The following PRORP variants were observed in gnomAD, a reference collection of about 807,000 sequenced individuals.
PRORP encodes the protein protein only RNase P catalytic subunit.
PRORP carries 51 observed loss-of-function variants against 59.4 expected under a neutral mutation model. The ratio of observed to expected loss-of-function variants is 0.86; its 90% CI spans 0.69 to 1.08. The LOEUF (loss-of-function observed/expected upper bound fraction) is 1.08, where lower values mean the gene tolerates loss of function less well. PRORP is among the 50% of genes least tolerant of loss of function. PRORP has a pLI of 0.00. For missense variants in PRORP, 646 were observed against 690.3 expected (o/e 0.94, Z 0.72); for synonymous variants, 231 against 245.6 (o/e 0.94, Z 0.55).
At chr14:35,197,214 G>A (rs2049030443) in intron 5 of PRORP, among the ~76,000 whole-genome samples, 1 of 152,130 alleles carries the variant, frequency 6.6e-6, no homozygotes, top group Non-Finnish European at 1.5e-5. Flanking sequence ...GGTGTGGTGA[G>A]ATTGTCTCGT....
At chr14:35,251,493 C>T (rs1042439076) in intron 5 of PRORP, among the ~76,000 whole-genome samples, 1 of 152,158 alleles carries the variant, frequency 6.6e-6, no homozygotes, top group African/African-American at 2.4e-5. Context: ...AGAAAATTAT[C>T]GAAGATAATT....
chr14:35,250,782 G>A (rs1413767240), intron 5 of PRORP, among the ~76,000 whole-genome samples: 2 of 152,136 alleles, frequency 1.3e-5, no homozygotes, highest in African/African-American at 2.4e-5. Flanking sequence ...GAGAGAACTT[G>A]CCTTGAGAGC....
At chr14:35,127,848 G>A (rs2047136252) in intron 4 of PRORP, among the ~76,000 whole-genome samples, 1 of 150,392 alleles carries the variant, frequency 6.6e-6, no homozygotes, top group Non-Finnish European at 1.5e-5. Context: ...GATTTGGCCT[G>A]CTGACTACAA....
At chr14:35,157,251 G>A (rs939145656) in intron 4 of PRORP, among the ~76,000 whole-genome samples, 1 of 151,980 alleles carries the variant, frequency 6.6e-6, no homozygotes, top group Non-Finnish European at 1.5e-5. Flanking sequence ...CACCGCGCCC[G>A]GACGTTCATT....
rs149488372 is a variant in PRORP at position 35,170,708 on chromosome 14, ATTC to A, written c.1168-9959_1168-9957del. Among the ~76,000 whole-genome samples, 450 of 152,274 alleles carry A rather than the reference ATTC, an allele frequency of 3.0e-3. 4 individuals are homozygous for A. The highest frequency in any genetic ancestry group is 0.01 in the African/African-American group (423 of 41,562). ...AAGAAATTGAAAGAATAAAAAGTATATTCTTTTTTATAAATATCCACATCTTTA... is the reference window on the plus strand; with the variant it reads ...AAGAAATTGAAAGAATAAAAAGTATATTTTTTATAAATATCCACATCTTTA... On this transcript the variant is annotated intron_variant, in intron 4 of 7. Transcript: ENST00000534898.
chr14:35,127,739 A>G (rs2047133739), intron 4 of PRORP, 128 bp downstream of exon 4: 10 of 851,752 alleles, frequency 1.2e-5, no homozygotes, highest in South Asian at 1.1e-4. Flanking sequence ...CAACTTTTCA[A>G]CTCTGCTGTT....
chr14:35,129,604 A>G (rs944363767), intron 4 of PRORP, among the ~76,000 whole-genome samples: 6 of 151,268 alleles, frequency 4.0e-5, no homozygotes, highest in African/African-American at 1.5e-4. Flanking sequence ...CCTCTTGAGT[A>G]ACTGGAATTA....
At position 35,126,715 on chromosome 14, in the gene PRORP, G is replaced by A; in HGVS notation, c.987-20G>A. On this transcript the variant is annotated intron_variant, in intron 2 of 7. Transcript: ENST00000534898. The stretch of plus-strand genomic sequence containing the variant: ...AGGAATCTAACCTTCTCATGATTTG[G>A]TTTTGCAATCTTTTCATAGTGTTCC... 6.3e-7 allele frequency: 1 copy of A among 1,595,194 alleles called. No homozygotes were observed. The highest frequency in any genetic ancestry group is 1.1e-5 in the South Asian group (1 of 88,786).
intron 5 of PRORP, among the ~76,000 whole-genome samples, chr14:35,239,579 C>G (rs1205481227): frequency 3.9e-5 from 6 of 152,160 alleles, no homozygotes; most frequent in African/African-American, 1.2e-4. Context: ...AATTAGATGG[C>G]TGGTCTAAAT....
At chr14:35,213,970 A>T (rs2049519582) in intron 5 of PRORP, among the ~76,000 whole-genome samples, 1 of 152,262 alleles carries the variant, frequency 6.6e-6, no homozygotes, top group African/African-American at 2.4e-5. Context: ...AAAAATGAAT[A>T]TCTGTAAAGT....
At chr14:35,216,132 A>ATATATT (rs1387344659) in intron 5 of PRORP, among the ~76,000 whole-genome samples, 25 of 147,608 alleles carry the variant, frequency 1.7e-4, no homozygotes, top group Middle Eastern at 3.6e-3. Flanking sequence ...ATAATATATA[A>ATATATT]TATATTTATA....
At chr14:35,262,985 G>C in intron 5 of PRORP, 1 of 1,598,296 alleles carries the variant, frequency 6.3e-7, no homozygotes, top group South Asian at 1.1e-5. Context: ...GGAAATTTTT[G>C]GATGGTATCT....
chr14:35,143,358 C>T (rs2047527510), intron 4 of PRORP, among the ~76,000 whole-genome samples: 1 of 144,886 alleles, frequency 6.9e-6, no homozygotes, highest in Non-Finnish European at 1.5e-5. Context: ...GACGGGGTTT[C>T]ACCATGTTGG....
At chr14:35,145,936 C>T (rs1363091013) in intron 4 of PRORP, among the ~76,000 whole-genome samples, 1 of 151,634 alleles carries the variant, frequency 6.6e-6, no homozygotes, top group Non-Finnish European at 1.5e-5. Flanking sequence ...TCAAGCGATT[C>T]TCCTGCCTCA....
intron 4 of PRORP, among the ~76,000 whole-genome samples, chr14:35,128,125 T>A (rs562154645): frequency 2.0e-5 from 3 of 152,348 alleles, no homozygotes; most frequent in Admixed American, 1.3e-4. Context: ...GTTAACTGAT[T>A]TGTGTATATT....
rs570956990 is a variant in PRORP, at chr14:35,162,540, CTG to C, written c.1168-18128_1168-18127del. 1.3e-4 allele frequency among the ~76,000 whole-genome samples: 20 copies of C among 151,956 alleles called. No homozygotes were observed. The South Asian group carries it at 1.5e-3, about 11-fold the overall frequency. ...TCTTGTCTGTTTTTTGAGTTATTGA[CTG>C]TTTTCATATTAATTTTAGGAGCTCT... On this transcript the variant is annotated intron_variant, in intron 4 of 7. Coordinates refer to ENST00000534898, the MANE Select transcript of PRORP (RefSeq NM_014672.4).
chr14:35,256,247 G>A (rs1280217849), intron 5 of PRORP, among the ~76,000 whole-genome samples: 26 of 131,968 alleles, frequency 2.0e-4, no homozygotes, highest in Non-Finnish European at 2.8e-4. Context: ...TTGCACCACC[G>A]TACTCCAGCC....
At chr14:35,198,753 G>T (rs926783406) in intron 5 of PRORP, among the ~76,000 whole-genome samples, 2 of 152,222 alleles carry the variant, frequency 1.3e-5, no homozygotes, top group East Asian at 3.8e-4. Context: ...TATAGTGAGG[G>T]CTGGGCGCAG....
At chr14:35,219,711 G>T (rs1483555156) in intron 5 of PRORP, among the ~76,000 whole-genome samples, 1 of 151,962 alleles carries the variant, frequency 6.6e-6, no homozygotes. Flanking sequence ...ATTTATACTG[G>T]CAAATTCTTG....
Sources: allele counts gnomAD v4.1 joint callset (sites outside exome capture counted in the v4.1 genomes callset), GRCh38; gene constraint gnomAD v4.1.1; transcripts MANE v1.5; gene names NCBI Gene and HGNC (gene_info 2026-07-23, HGNC 2026-07-21).